Variants in MBNL2 observed in about 807,000 individuals in gnomAD.
MBNL2 encodes muscleblind-like protein 2.
A neutral mutation model predicts 41.9 loss-of-function variants in MBNL2; 17 were observed. The ratio of observed to expected loss-of-function variants is 0.41; its 90% CI spans 0.28 to 0.61. The LOEUF (loss-of-function observed/expected upper bound fraction) is 0.61. Ranked by LOEUF, MBNL2 falls within the 20% of genes least tolerant of loss-of-function variation. The pLI, the probability that MBNL2 is intolerant of heterozygous loss-of-function variation, is 0.35. For missense variants in MBNL2, 336 were observed against 505.6 expected (o/e 0.66, Z 3.22); for synonymous variants, 195 against 182.9 (o/e 1.07, Z -0.53).
At chr13:97,149,498 C>T in the MBNL2 span, among the ~76,000 whole-genome samples, 7 of 152,100 alleles carry the variant, frequency 4.6e-5, no homozygotes, top group Non-Finnish European at 5.9e-5. Flanking sequence ...TAGGGGCAGA[C>T]ATGCTACCCA....
In MBNL2 at chr13:97,391,965, T is replaced by G. The variant is rs2066399986; in HGVS notation, c.*516T>G. 6.5e-6 allele frequency: 1 copy of G among 153,124 alleles called. No individual in the cohort carries two copies. Among genetic ancestry groups the G allele is most frequent in the Non-Finnish European group, 1.5e-5 (1 of 68,468 alleles). 9.5% of individuals were successfully genotyped at this position (153,124 alleles called of 1,614,324 possible). ...ACTGGGGACACATCAAAGTGTGGTG[T>G]TTGGTTTGCCTGGAGATGCCACGTT... On this transcript the variant is annotated 3_prime_UTR_variant, in exon 9 of 9. Transcript: ENST00000679496.
the MBNL2 span, among the ~76,000 whole-genome samples, chr13:97,155,208 A>C: frequency 6.6e-6 from 1 of 152,104 alleles, no homozygotes; most frequent in South Asian, 2.1e-4. Context: ...TGAGTTGGAA[A>C]TATGTTTTCC....
At chr13:97,357,142 G>T (rs1035903727) in intron 6 of MBNL2, among the ~76,000 whole-genome samples, 14 of 152,114 alleles carry the variant, frequency 9.2e-5, no homozygotes, top group African/African-American at 3.1e-4. Context: ...TTTAGTTAAA[G>T]AAAAGAATAG....
At chr13:97,382,468 G>T (rs536732502) in intron 8 of MBNL2, among the ~76,000 whole-genome samples, 3 of 152,162 alleles carry the variant, frequency 2.0e-5, no homozygotes, top group African/African-American at 7.2e-5. Context: ...CTGTGGAGGC[G>T]CCATAATCCC....
At chr13:97,304,869 C>A (rs1362159235) in intron 2 of MBNL2, among the ~76,000 whole-genome samples, 1 of 152,198 alleles carries the variant, frequency 6.6e-6, no homozygotes, top group Non-Finnish European at 1.5e-5. Context: ...CCACAACAGT[C>A]CCTGAGGGGA....
chr13:97,156,335 C>T, the MBNL2 span, among the ~76,000 whole-genome samples: 1 of 146,346 alleles, frequency 6.8e-6, no homozygotes, highest in African/African-American at 2.6e-5. Context: ...AATTTTCTCC[C>T]ATTTTGTAGG....
At position 97,334,033 on chromosome 13, in the gene MBNL2, A is replaced by G. The variant is rs2060662065; in HGVS notation, c.175-243A>G. ...AAGAGAGAGAGGGAGGGAGGGAGGGAAAAATCCTCAGGAAGCTTCTCTACT... is the reference window on the plus strand; with the variant it reads ...AAGAGAGAGAGGGAGGGAGGGAGGGGAAAATCCTCAGGAAGCTTCTCTACT... On this transcript the variant is annotated intron_variant, in intron 2 of 8. Transcript: ENST00000679496. This position sits in a 1 kb window ranked among gnomAD's most constrained non-coding sequence, Gnocchi z 5.3. Among the ~76,000 whole-genome samples the G allele has an allele frequency of 6.6e-6, 1 of 151,468 alleles. No individual in the cohort carries two copies. The highest frequency in any genetic ancestry group is 1.5e-5 in the Non-Finnish European group (1 of 67,868).
At chr13:97,291,386 C>T (rs1183938139) in intron 2 of MBNL2, among the ~76,000 whole-genome samples, 2 of 152,034 alleles carry the variant, frequency 1.3e-5, no homozygotes, top group Non-Finnish European at 2.9e-5. Flanking sequence ...GGACTACAGG[C>T]ATGTGCCACC....
At chr13:97,357,067 A>G (rs9556709) in intron 6 of MBNL2, among the ~76,000 whole-genome samples, 2,851 of 152,334 alleles carry the variant, frequency 0.019, 118 homozygotes, top group East Asian at 0.18. Context: ...AAGCAAATTT[A>G]AATTATTTGA....
intron 7 of MBNL2, among the ~76,000 whole-genome samples, chr13:97,360,314 T>C (rs2063300197): frequency 6.6e-6 from 1 of 152,234 alleles, no homozygotes; most frequent in South Asian, 2.1e-4. Context: ...GATATTAATA[T>C]AAAATTTTAT....
chr13:97,381,692 T>C (rs1456787037), intron 8 of MBNL2, among the ~76,000 whole-genome samples: 1 of 151,980 alleles, frequency 6.6e-6, no homozygotes, highest in East Asian at 1.9e-4. Flanking sequence ...TTATTAAATT[T>C]TTATTTTTCA....
intron 2 of MBNL2, among the ~76,000 whole-genome samples, chr13:97,311,871 C>G (rs900513593): frequency 5.3e-5 from 8 of 152,212 alleles, no homozygotes; most frequent in Non-Finnish European, 7.3e-5. Context: ...TGTCCAAACA[C>G]CAATATTCCT....
the MBNL2 span, among the ~76,000 whole-genome samples, chr13:97,211,704 G>A: frequency 2.2e-4 from 34 of 152,206 alleles, no homozygotes; most frequent in African/African-American, 7.9e-4. Flanking sequence ...CCCATTTCTG[G>A]TAAAGAATAT....
Position 97,276,249 on chromosome 13 carries a change from T to TTG in MBNL2, c.15_16dup (p.Ala6ValfsTer10). 6.2e-7 allele frequency: 1 copy of TTG among 1,613,684 alleles called. No individual in the cohort carries two copies. The highest frequency in any genetic ancestry group is 8.5e-7 in the Non-Finnish European group (1 of 1,179,710). On this transcript the variant is annotated frameshift_variant, in exon 2 of 9. Transcript: ENST00000679496. LOFTEE classifies it high-confidence loss of function. ...TACTTTATCACCATGGCTTTGAACG[T>TTG]TGCCCCAGTCAGAGATACAAAATGG...
intron 3 of MBNL2, among the ~76,000 whole-genome samples, chr13:97,342,019 C>G (rs2153080468): frequency 6.6e-6 from 1 of 152,268 alleles, no homozygotes; most frequent in African/African-American, 2.4e-5. Flanking sequence ...GGTTAAAAAT[C>G]ATCTATAATT....
intron 1 of MBNL2, among the ~76,000 whole-genome samples, chr13:97,222,895 A>G (rs1310807527): frequency 1.3e-5 from 2 of 152,174 alleles, no homozygotes; most frequent in African/African-American, 2.4e-5. Flanking sequence ...CATGGATCCT[A>G]TTATTTGAAA....
rs536537074 is a variant in MBNL2, at chr13:97,263,936, T to C, written c.-604-11696T>C. ...CCCAGCCTTACTTTTATTTTTTTAA[T>C]TATTAGACAGTTGTAGTATAATCGA... is the stretch of plus-strand genomic sequence containing the variant. On this transcript the variant is annotated intron_variant, in intron 1 of 8. Coordinates refer to ENST00000679496, the MANE Select transcript of MBNL2 (RefSeq NM_001382683.1). Among the ~76,000 whole-genome samples, 4 of 151,292 alleles carry C rather than the reference T, an allele frequency of 2.6e-5. No homozygotes were observed. In the East Asian group the frequency reaches 7.9e-4, roughly 30 times the overall value.
intron 3 of MBNL2, among the ~76,000 whole-genome samples, chr13:97,341,501 T>C (rs145946490): frequency 6.6e-6 from 1 of 152,186 alleles, no homozygotes; most frequent in African/African-American, 2.4e-5. Flanking sequence ...CATATAAACA[T>C]TTGTTGACAG....
At chr13:97,236,192 A>G (rs2043243032) in intron 1 of MBNL2, among the ~76,000 whole-genome samples, 1 of 152,138 alleles carries the variant, frequency 6.6e-6, no homozygotes, top group African/African-American at 2.4e-5. Flanking sequence ...TGAAAATTAG[A>G]AACACTTTTC....
Sources: gnomAD v4.1 joint callset for allele counts (sites outside exome capture counted in the v4.1 genomes callset) on GRCh38, gnomAD v4.1.1 for gene constraint, Gnocchi (gnomAD v3.1) non-coding constraint, MANE v1.5 for transcripts, NCBI Gene and HGNC (gene_info 2026-07-23, HGNC 2026-07-21) for gene names.